FGD4: variants seen among roughly 807,000 people sequenced by gnomAD.
FGD4 encodes FYVE, RhoGEF and PH domain containing 4.
A neutral mutation model predicts 102.0 loss-of-function variants in FGD4; 42 were observed. The observed-to-expected ratio is 0.41, with a 90% CI of 0.32 to 0.53. The LOEUF (loss-of-function observed/expected upper bound fraction) is 0.53, where lower values mean the gene tolerates loss of function less well. FGD4 is among the 20% of genes least tolerant of loss of function. The probability of loss-of-function intolerance (pLI) is 0.21; values close to 1 mark genes in which losing one functional copy is unlikely to be tolerated. For missense variants in FGD4, 902 were observed against 1,078.2 expected (o/e 0.84, Z 2.29); for synonymous variants, 380 against 375.7 (o/e 1.01, Z -0.13).
At chr12:32,598,960 C>T (rs1037443291) in intron 5 of FGD4, among the ~76,000 whole-genome samples, 46 of 152,130 alleles carry the variant, frequency 3.0e-4, no homozygotes, top group Non-Finnish European at 5.9e-4. Context: ...TTCTGTTTGC[C>T]TCATTTGCTA....
chr12:32,619,818 C>G lies in FGD4; in HGVS notation c.1870C>G (p.Pro624Ala). The part of the protein sequence containing the change: ...KIVETQNEEY[P>A]HTFQVSGKER... ...TGTAGAGACTCAAAATGAAGAATAT[C>G]CACATACTTTCCAGGTGTCTGGGAA... Residue 624 changes from proline (P) to alanine (A), a missense_variant, in exon 11 of 17, where the codon CCA (proline) becomes GCA (alanine). Around this residue, in one of 2 missense-constraint regions of FGD4, gnomAD observed 459 missense variants for 619.0 expected, o/e 0.74. Transcript: ENST00000534526. 1.2e-6 allele frequency: 2 copies of G among 1,614,154 alleles called. No individual in the cohort carries two copies. Among genetic ancestry groups the G allele is most frequent in the Non-Finnish European group, 1.7e-6 (2 of 1,180,042 alleles).
At chr12:32,596,385 C>T (rs148710062) in intron 4 of FGD4, among the ~76,000 whole-genome samples, 43 of 152,226 alleles carry the variant, frequency 2.8e-4, no homozygotes, top group African/African-American at 9.4e-4. Flanking sequence ...ACCAGGGACA[C>T]GTTTGGATAA....
chr12:32,533,674 C>G (rs754719831), intron 1 of FGD4, among the ~76,000 whole-genome samples: 7 of 152,202 alleles, frequency 4.6e-5, no homozygotes, highest in Non-Finnish European at 7.3e-5. Flanking sequence ...ATCCACCCAC[C>G]TCGGCGTGCC....
intron 1 of FGD4, chr12:32,502,451 G>A (rs1938300734): frequency 4.5e-5 from 22 of 486,682 alleles, no homozygotes; most frequent in South Asian, 1.8e-4. Context: ...AACCTCCAGC[G>A]TCATACACTT....
intron 1 of FGD4, among the ~76,000 whole-genome samples, chr12:32,414,537 T>C (rs1445464934): frequency 6.7e-6 from 1 of 150,272 alleles, no homozygotes; most frequent in South Asian, 2.1e-4. Flanking sequence ...ATTCTTTCTA[T>C]TTTTTTTTGT....
chr12:32,454,639 G>T (rs1251156943), intron 1 of FGD4, among the ~76,000 whole-genome samples: 3 of 152,104 alleles, frequency 2.0e-5, no homozygotes. Flanking sequence ...CATACTAAAT[G>T]ATTGTTTTAA....
chr12:32,596,238 A>C (rs1947883189), intron 4 of FGD4, among the ~76,000 whole-genome samples: 1 of 152,238 alleles, frequency 6.6e-6, no homozygotes, highest in Non-Finnish European at 1.5e-5. Context: ...AAGGGCTTTG[A>C]ATAGTTGAAG....
At position 32,596,923 on chromosome 12, in the gene FGD4, A is replaced by C. The variant is rs188434321; in HGVS notation, c.1012-1574A>C. On this transcript the variant is annotated intron_variant, in intron 4 of 16. Transcript: ENST00000534526. ...GCACTCCAGCCTGGGCAACAAGAGC[A>C]AAACTCTGTCTTAAAAAAAAAAAAA... Among the ~76,000 whole-genome samples, 137 of 151,908 alleles carry C rather than the reference A, an allele frequency of 9.0e-4. 2 individuals carry two copies. In the East Asian group the frequency reaches 0.023, roughly 26 times the overall value.
At chr12:32,438,706 C>T (rs539085530) in intron 1 of FGD4, among the ~76,000 whole-genome samples, 1 of 151,746 alleles carries the variant, frequency 6.6e-6, no homozygotes, top group Non-Finnish European at 1.5e-5. Flanking sequence ...CCCGGGTTCA[C>T]GCCAATATCC....
In FGD4 at chr12:32,645,608, AAAAT is replaced by A. The variant is rs1951369840; in HGVS notation, c.*5076_*5079del. 1.3e-5 allele frequency: 2 copies of A among 152,426 alleles called. No homozygotes were observed. The highest frequency in any genetic ancestry group is 4.8e-5 in the African/African-American group (2 of 41,586). The allele number at this position is 152,426 out of a possible 1,614,324, so 9.4% of individuals were successfully genotyped here. A position where few individuals can be genotyped will look rare whatever the true frequency, so the allele number is the denominator to read the frequency against. ...AACATGGCAAAACCCTGTCTCTACA[AAAAT>A]TAGCCAGGTGTGGTGGCACATGCCT... is the stretch of plus-strand genomic sequence containing the variant. On this transcript the variant is annotated 3_prime_UTR_variant, in exon 17 of 17. Coordinates refer to ENST00000534526, the MANE Select transcript of FGD4 (RefSeq NM_001370298.3).
rs1015203988 is a variant in FGD4, at chr12:32,644,700, G to A, written c.*4167G>A. ...ACCACAGCAATGTGTTTTAAGATAA[G>A]ATGAAATATTTTAACTGCAGAAGGG... On this transcript the variant is annotated 3_prime_UTR_variant, in exon 17 of 17. Transcript: ENST00000534526. 6.6e-6 allele frequency: 1 copy of A among 152,152 alleles called. No homozygotes were observed. Among genetic ancestry groups the A allele is most frequent in the African/African-American group, 2.4e-5 (1 of 41,440 alleles). The allele number at this position is 152,152 out of a possible 1,614,324, so 9.4% of individuals were successfully genotyped here.
chr12:32,470,329 G>A (rs77961448), intron 1 of FGD4, among the ~76,000 whole-genome samples: 1 of 152,060 alleles, frequency 6.6e-6, no homozygotes, highest in Admixed American at 6.6e-5. Flanking sequence ...AGCTGCCTCA[G>A]TACAAAAAAG....
chr12:32,491,142 AAAAAAAAAC>A (rs1195915750), intron 1 of FGD4, among the ~76,000 whole-genome samples: 7 of 150,898 alleles, frequency 4.6e-5, no homozygotes, highest in Non-Finnish European at 7.4e-5. Context: ...TAAAAAAAAA[AAAAAAAAAC>A]AAAAAACTAT....
rs1002982279 is a variant in FGD4, at chr12:32,644,127, A to G, written c.*3594A>G. On this transcript the variant is annotated 3_prime_UTR_variant, in exon 17 of 17. Coordinates refer to ENST00000534526, the MANE Select transcript of FGD4 (RefSeq NM_001370298.3). ...GATATTTATAAGCTAAAATTAACTC[A>G]AAAGTCAAGAATGTCTTAATGTTTT... 1 of 152,158 alleles carries G rather than the reference A, an allele frequency of 6.6e-6. No homozygotes were observed. The highest frequency in any genetic ancestry group is 1.5e-5 in the Non-Finnish European group (1 of 67,986). 9.4% of individuals were successfully genotyped at this position (152,158 alleles called of 1,614,324 possible).
intron 1 of FGD4, among the ~76,000 whole-genome samples, chr12:32,549,693 C>G (rs962165107): frequency 6.6e-6 from 1 of 152,166 alleles, no homozygotes; most frequent in African/African-American, 2.4e-5. Flanking sequence ...AATGAGGGCA[C>G]ATGGTGTGTT....
At chr12:32,562,351 T>G (rs530417846) in intron 1 of FGD4, among the ~76,000 whole-genome samples, 6 of 152,324 alleles carry the variant, frequency 3.9e-5, no homozygotes, top group African/African-American at 1.4e-4. Context: ...GGAAAAGTGT[T>G]TCTATGCTTA....
At chr12:32,595,305 C>T (rs1947808454) in intron 4 of FGD4, among the ~76,000 whole-genome samples, 1 of 152,076 alleles carries the variant, frequency 6.6e-6, no homozygotes, top group Admixed American at 6.5e-5. Flanking sequence ...CATGGAGTAT[C>T]CTGCATATGT....
chr12:32,564,128 C>T lies in FGD4; in HGVS notation c.167-9C>T. 3 of 1,534,062 alleles carry T rather than the reference C, an allele frequency of 2.0e-6. No homozygotes were observed. Among genetic ancestry groups the T allele is most frequent in the Non-Finnish European group, 2.6e-6 (3 of 1,146,010 alleles). ...TACTTACCTGCCCTTTCTTTCTGAA[C>T]TCTTGCAGGCAGCAGTACCTGTCCA... On this transcript the variant is annotated splice_polypyrimidine_tract_variant and intron_variant, in intron 1 of 16. Coordinates refer to ENST00000534526, the MANE Select transcript of FGD4 (RefSeq NM_001370298.3).
At chr12:32,573,589 A>AT (rs745954176) in intron 2 of FGD4, among the ~76,000 whole-genome samples, 29 of 152,174 alleles carry the variant, frequency 1.9e-4, no homozygotes, top group Admixed American at 1.7e-3. Flanking sequence ...AAGTGATAGA[A>AT]TTTTTTCTAA....
Sources: allele counts gnomAD v4.1 joint callset (sites outside exome capture counted in the v4.1 genomes callset), GRCh38; gene constraint gnomAD v4.1.1; regional missense constraint gnomAD v4.1.1; transcripts MANE v1.5; gene names NCBI Gene and HGNC (gene_info 2026-07-23, HGNC 2026-07-21).